Variants in MMP26 observed in about 807,000 individuals in gnomAD.
The protein encoded by MMP26 is matrix metalloproteinase-26.
A neutral mutation model predicts 31.0 loss-of-function variants in MMP26; 33 were observed. The observed-to-expected ratio is 1.06, with a 90% confidence interval of 0.81 to 1.42. MMP26 has a LOEUF of 1.42. Ranked by LOEUF, MMP26 falls within the 40% of genes most tolerant of loss-of-function variation. MMP26 has a pLI of 0.00. For synonymous variants in MMP26, 122 were observed against 114.9 expected, an observed-to-expected ratio of 1.06 and a Z score of -0.40; for missense variants, 347 against 316.1, an observed-to-expected ratio of 1.10 and a Z score of -0.74.
chr11:4,988,365 T>C (rs1846937975), intron 3 of MMP26, 55 bp downstream of exon 3: 13 of 1,366,626 alleles, frequency 9.5e-6, no homozygotes, highest in African/African-American at 1.4e-5. Context: ...TGGGCTCTTA[T>C]TTCGTGTGTG....
intron 3 of MMP26, 56 bp from the exon 4 acceptor site, chr11:4,989,592 G>GAT: frequency 7.0e-7 from 1 of 1,423,044 alleles, no homozygotes; most frequent in Admixed American, 1.9e-5. Context: ...CAGGGTAACT[G>GAT]ATATATGGGT....
At chr11:4,929,132 T>C (rs1364354335) in intron 2 of MMP26, among the ~76,000 whole-genome samples, 1 of 152,136 alleles carries the variant, frequency 6.6e-6, no homozygotes, top group Non-Finnish European at 1.5e-5. Context: ...CCCAAAAATA[T>C]GTGCAGCAGA....
intron 2 of MMP26, among the ~76,000 whole-genome samples, chr11:4,768,626 TA>T (rs1168191588): frequency 1.3e-5 from 2 of 152,210 alleles, no homozygotes; most frequent in Non-Finnish European, 2.9e-5. Context: ...TCATCTGTAA[TA>T]TATCGCTAAT....
At chr11:4,736,710 G>A (rs1848245697) in intron 1 of MMP26, 1 of 152,230 alleles carries the variant, frequency 6.6e-6, no homozygotes, top group Admixed American at 6.5e-5. Context: ...TATACCTCGG[G>A]GGGTTACAAA....
chr11:4,811,370 A>C (rs929756022), intron 2 of MMP26, among the ~76,000 whole-genome samples: 7 of 152,276 alleles, frequency 4.6e-5, no homozygotes, highest in African/African-American at 1.4e-4. Flanking sequence ...TCCACGCTCA[A>C]GTAGGTCCCA....
intron 1 of MMP26, among the ~76,000 whole-genome samples, chr11:4,747,329 G>A (rs898700456): frequency 3.9e-5 from 6 of 152,056 alleles, no homozygotes; most frequent in Non-Finnish European, 8.8e-5. Flanking sequence ...TTCTTTAGTT[G>A]GTTTTATGCA....
chr11:4,939,382 T>A (rs973361675), intron 2 of MMP26, among the ~76,000 whole-genome samples: 2 of 152,136 alleles, frequency 1.3e-5, no homozygotes, highest in Admixed American at 1.3e-4. Flanking sequence ...TTGTCTTATT[T>A]TAGAGTCCTC....
At chr11:4,786,342 C>T (rs1428411662) in intron 2 of MMP26, among the ~76,000 whole-genome samples, 2 of 152,146 alleles carry the variant, frequency 1.3e-5, no homozygotes, top group Non-Finnish European at 1.5e-5. Flanking sequence ...ATCTTGGAGA[C>T]TTTGCCTGGT....
intron 2 of MMP26, chr11:4,849,325 C>T: frequency 1.9e-6 from 2 of 1,029,466 alleles, no homozygotes; most frequent in Non-Finnish European, 2.8e-6. Context: ...CCTTCCCTGA[C>T]TCATGCACTC....
At chr11:4,910,699 A>G (rs980350268) in intron 2 of MMP26, among the ~76,000 whole-genome samples, 2 of 152,188 alleles carry the variant, frequency 1.3e-5, no homozygotes, top group Non-Finnish European at 2.9e-5. Flanking sequence ...GCCAAATTGT[A>G]AACTCCATAG....
intron 1 of MMP26, among the ~76,000 whole-genome samples, chr11:4,726,070 C>A (rs1239706185): frequency 6.6e-6 from 1 of 152,162 alleles, no homozygotes. Flanking sequence ...TGGTGAGAAA[C>A]CAGTAGTTTG....
intron 2 of MMP26, among the ~76,000 whole-genome samples, chr11:4,780,587 C>G (rs913600878): frequency 2.0e-5 from 3 of 151,922 alleles, no homozygotes; most frequent in Non-Finnish European, 2.9e-5. Context: ...AAAAAGGATA[C>G]AGTGAAATCT....
chr11:4,853,673 C>A (rs2133502425), intron 2 of MMP26, among the ~76,000 whole-genome samples: 1 of 152,128 alleles, frequency 6.6e-6, no homozygotes, highest in East Asian at 1.9e-4. Context: ...TAAAAAATGC[C>A]AAGGTCCAGA....
At chr11:4,787,869 T>C (rs1482984818) in intron 2 of MMP26, among the ~76,000 whole-genome samples, 2 of 152,202 alleles carry the variant, frequency 1.3e-5, no homozygotes, top group Non-Finnish European at 2.9e-5. Context: ...TTTAAGTACA[T>C]GCTTTCTTTT....
intron 1 of MMP26, among the ~76,000 whole-genome samples, chr11:4,730,174 T>C (rs1449769100): frequency 6.6e-6 from 1 of 152,142 alleles, no homozygotes; most frequent in Admixed American, 6.6e-5. Flanking sequence ...AATATTTCCT[T>C]TGCCTTTACT....
intron 1 of MMP26, among the ~76,000 whole-genome samples, chr11:4,744,571 G>A (rs1287354085): frequency 6.6e-6 from 1 of 152,058 alleles, no homozygotes; most frequent in Non-Finnish European, 1.5e-5. Flanking sequence ...CCAGAATAGA[G>A]GATATTTATG....
At chr11:4,733,633 G>T (rs936654791) in intron 1 of MMP26, among the ~76,000 whole-genome samples, 1 of 152,106 alleles carries the variant, frequency 6.6e-6, no homozygotes, top group Non-Finnish European at 1.5e-5. Context: ...AATGCAAATA[G>T]AAATAGTTTT....
At chr11:4,917,379 C>T (rs1851112462) in intron 2 of MMP26, among the ~76,000 whole-genome samples, 1 of 152,148 alleles carries the variant, frequency 6.6e-6, no homozygotes. Flanking sequence ...AGGATATAAA[C>T]AATGATTACT....
chr11:4,932,720 C>T (rs1851368258), intron 2 of MMP26, among the ~76,000 whole-genome samples: 3 of 152,052 alleles, frequency 2.0e-5, no homozygotes, highest in Non-Finnish European at 4.4e-5. Context: ...GTGGTTCGCT[C>T]TCCAGCTATT....
Sources: allele counts gnomAD v4.1 joint callset (sites outside exome capture counted in the v4.1 genomes callset), GRCh38; gene constraint gnomAD v4.1.1; transcripts MANE v1.5; gene names NCBI Gene and HGNC (gene_info 2026-07-23, HGNC 2026-07-21).